The following NXPE2 variants were observed in gnomAD, a reference collection of about 807,000 sequenced individuals.
The protein encoded by NXPE2 is neurexophilin and PC-esterase domain family member 2, also known as NXPE family member 2.
A neutral mutation model predicts 34.4 loss-of-function variants in NXPE2; 34 were observed. The ratio of observed to expected loss-of-function variants is 0.99; its 90% confidence interval spans 0.75 to 1.31. NXPE2 has a LOEUF of 1.31. NXPE2 is among the 40% of genes most tolerant of loss of function. The pLI is 0.00. For missense variants in NXPE2, 649 were observed against 672.5 expected, an observed-to-expected ratio of 0.97 and a Z score of 0.39; for synonymous variants, 235 against 231.3, an observed-to-expected ratio of 1.02 and a Z score of -0.15.
intron 2 of NXPE2, among the ~76,000 whole-genome samples, chr11:114,683,173 C>A (rs952728553): frequency 6.6e-6 from 1 of 151,834 alleles, no homozygotes; most frequent in Non-Finnish European, 1.5e-5. Flanking sequence ...TAAAATAAAT[C>A]CTCTTATTGT....
At chr11:114,579,527 T>C in the NXPE2 span, among the ~76,000 whole-genome samples, 1 of 152,242 alleles carries the variant, frequency 6.6e-6, no homozygotes, top group East Asian at 1.9e-4. Context: ...GTCTACCTGA[T>C]GCAAAGTCTA....
At chr11:114,594,613 T>A in the NXPE2 span, 22 of 1,180,320 alleles carry the variant, frequency 1.9e-5, no homozygotes, top group African/African-American at 3.1e-4. Context: ...ACAGATGAGG[T>A]AATAAGCAAA....
At chr11:114,474,124 TGTCTA>T in the NXPE2 span, among the ~76,000 whole-genome samples, 5 of 152,166 alleles carry the variant, frequency 3.3e-5, no homozygotes, top group Non-Finnish European at 5.9e-5. Flanking sequence ...AAGTTTCAGT[TGTCTA>T]GTAGCCGCCA....
At chr11:114,521,844 TC>T in the NXPE2 span, 1 of 737,298 alleles carries the variant, frequency 1.4e-6, no homozygotes, top group South Asian at 2.0e-5. Context: ...ATAGCCTTCC[TC>T]CCCAAACAGA....
chr11:114,706,585 C>T lies in NXPE2; in HGVS notation c.1335C>T (p.Ala445=). The change falls in exon 6 of 6, where the codon GCC becomes GCT. Residue 445 remains alanine (A), a synonymous_variant. Coordinates refer to ENST00000389586, the MANE Select transcript of NXPE2 (RefSeq NM_182495.6). ...IDQVAGDKNT[A]IVITLGQHFR... is the part of the protein sequence containing the mutation. ...AGGTAGCAGGAGACAAAAACACAGC[C>T]ATTGTCATTACCCTCGGCCAACACT... 1 of 1,551,852 alleles carries T rather than the reference C, an allele frequency of 6.4e-7. No homozygotes were observed. The highest frequency in any genetic ancestry group is 2.4e-5 in the East Asian group (1 of 41,062).
At chr11:114,738,930 TTTTA>T in the NXPE2 span, among the ~76,000 whole-genome samples, 1 of 152,326 alleles carries the variant, frequency 6.6e-6, no homozygotes, top group South Asian at 2.1e-4. Flanking sequence ...TGCTTTACTA[TTTTA>T]TTAAAAATTC....
At chr11:114,647,619 G>A in the NXPE2 span, among the ~76,000 whole-genome samples, 7 of 151,770 alleles carry the variant, frequency 4.6e-5, no homozygotes, top group Admixed American at 2.0e-4. Context: ...CTCTCTTTCA[G>A]CTTCTGGATT....
the NXPE2 span, among the ~76,000 whole-genome samples, chr11:114,532,144 G>A: frequency 6.6e-6 from 1 of 152,106 alleles, no homozygotes; most frequent in East Asian, 1.9e-4. Flanking sequence ...CCCCAGCATT[G>A]GGCAATAAAA....
the NXPE2 span, among the ~76,000 whole-genome samples, chr11:114,812,083 C>T: frequency 6.6e-6 from 1 of 152,184 alleles, no homozygotes; most frequent in Admixed American, 6.5e-5. Context: ...TCCAGATTAG[C>T]GTTGAGAGCA....
At chr11:114,554,310 A>C in the NXPE2 span, 2 of 984,580 alleles carry the variant, frequency 2.0e-6, no homozygotes, top group African/African-American at 3.5e-5. Flanking sequence ...CATGTGTGCC[A>C]TACCTCCTCC....
At chr11:114,530,116 GCT>G in the NXPE2 span, 1 of 1,502,930 alleles carries the variant, frequency 6.7e-7, no homozygotes, top group Non-Finnish European at 8.9e-7. Context: ...GGGCAATGTA[GCT>G]CTGACTGGGG....
At chr11:114,530,600 C>T in the NXPE2 span, 1 of 1,614,122 alleles carries the variant, frequency 6.2e-7, no homozygotes, top group Non-Finnish European at 8.5e-7. Context: ...TCAGGAAATC[C>T]CCACCATATT....
At chr11:114,754,608 G>A in the NXPE2 span, among the ~76,000 whole-genome samples, 1 of 152,248 alleles carries the variant, frequency 6.6e-6, no homozygotes, top group Non-Finnish European at 1.5e-5. Context: ...CCAGAAGGCT[G>A]TGTTAGAGAA....
the NXPE2 span, among the ~76,000 whole-genome samples, chr11:114,566,880 A>T: frequency 1.7e-4 from 26 of 152,288 alleles, no homozygotes; most frequent in East Asian, 4.8e-3. Flanking sequence ...GATTGGGTTG[A>T]TGACCGTGTC....
At chr11:114,792,093 C>T in the NXPE2 span, among the ~76,000 whole-genome samples, 1 of 152,118 alleles carries the variant, frequency 6.6e-6, no homozygotes, top group East Asian at 1.9e-4. Context: ...AAGATACGTG[C>T]TGAGCAGCTC....
At chr11:114,471,206 C>A in the NXPE2 span, among the ~76,000 whole-genome samples, 1 of 152,052 alleles carries the variant, frequency 6.6e-6, no homozygotes, top group Non-Finnish European at 1.5e-5. Flanking sequence ...AAATCATTGC[C>A]CAGCCAAAGG....
At chr11:114,628,418 C>A in the NXPE2 span, among the ~76,000 whole-genome samples, 2 of 152,192 alleles carry the variant, frequency 1.3e-5, no homozygotes, top group Non-Finnish European at 2.9e-5. Context: ...TTCTGAATGA[C>A]TACTGGGTAC....
the NXPE2 span, among the ~76,000 whole-genome samples, chr11:114,504,938 A>G: frequency 6.6e-6 from 1 of 152,188 alleles, no homozygotes; most frequent in African/African-American, 2.4e-5. Context: ...ATGAAGTTCA[A>G]TGAACTACAG....
At chr11:114,492,740 A>C in the NXPE2 span, among the ~76,000 whole-genome samples, 2 of 151,828 alleles carry the variant, frequency 1.3e-5, no homozygotes, top group Non-Finnish European at 2.9e-5. Flanking sequence ...GGGGTTTCAC[A>C]GTGTTAGCCA....
Sources: allele counts gnomAD v4.1 joint callset (sites outside exome capture counted in the v4.1 genomes callset), GRCh38; gene constraint gnomAD v4.1.1; transcripts MANE v1.5; gene names NCBI Gene and HGNC (gene_info 2026-07-23, HGNC 2026-07-21).